Variants in IFT140 observed in about 807,000 individuals in gnomAD.
IFT140 encodes the protein intraflagellar transport protein 140 homolog.
A neutral mutation model predicts 164.6 loss-of-function variants in IFT140; 133 were observed. That is an observed-to-expected ratio of 0.81 (90% CI 0.70 to 0.93). The LOEUF is 0.93. Ranked by LOEUF, IFT140 falls within the 40% of genes least tolerant of loss-of-function variation. The probability of loss-of-function intolerance (pLI) is 0.00; values close to 1 mark genes in which losing one functional copy is unlikely to be tolerated. For missense variants in IFT140, 2,045 were observed against 1,972.3 expected (o/e 1.04, Z -0.70); for synonymous variants, 860 against 817.3 (o/e 1.05, Z -0.89).
chr16:1,511,512 G>A (rs764294967), intron 30 of IFT140, among the ~76,000 whole-genome samples: 4 of 152,200 alleles, frequency 2.6e-5, no homozygotes, highest in Non-Finnish European at 4.4e-5. Context: ...TTCTGCACTC[G>A]AGTCTTGCGG....
intron 20 of IFT140, 67 bp from the exon 21 acceptor site, chr16:1,526,144 ACGCCAGGCCAC>A: frequency 7.1e-7 from 1 of 1,416,812 alleles, no homozygotes; most frequent in African/African-American, 1.4e-5. Flanking sequence ...ACACTGTTCC[ACGCCAGGCCAC>A]CGGTCACCGC....
chr16:1,523,985 C>T (rs1036878008), intron 24 of IFT140, 29 bp from the exon 25 acceptor site: 21 of 1,602,460 alleles, frequency 1.3e-5, no homozygotes, highest in Admixed American at 3.4e-5. Context: ...GGCCCTGAAG[C>T]GGCTCCCACT....
chr16:1,579,045 A>G (rs1327600134), intron 13 of IFT140, among the ~76,000 whole-genome samples: 1 of 152,238 alleles, frequency 6.6e-6, no homozygotes, highest in African/African-American at 2.4e-5. Flanking sequence ...CAAAACGTTA[A>G]CTAGTAACAG....
Position 1,554,526 on chromosome 16 carries a change from C to T in IFT140, c.2399+3409G>A, listed in dbSNP as rs2272975. On this transcript the variant is annotated intron_variant, in intron 19 of 30. Transcript: ENST00000426508. ...GACACATACCACCCCTCCACAGCCG[C>T]CAGAGCCTGAAGTCCTAAGAGCCAC... Among the ~76,000 whole-genome samples the T allele has an allele frequency of 8.1e-4, 124 of 152,314 alleles. 1 individual carries two copies. In the East Asian group the frequency reaches 0.023, roughly 28 times the overall value.
chr16:1,569,017 T>G (rs1344185807), intron 14 of IFT140, among the ~76,000 whole-genome samples: 5 of 150,650 alleles, frequency 3.3e-5, no homozygotes, highest in African/African-American at 1.2e-4. Context: ...TTTTTTTTTT[T>G]TTTTTGAGAC....
chr16:1,552,072 A>G (rs1208150178), intron 19 of IFT140, among the ~76,000 whole-genome samples: 3 of 152,130 alleles, frequency 2.0e-5, no homozygotes, highest in Non-Finnish European at 2.9e-5. Context: ...GGGGGGCACA[A>G]TCCCTTTCCA....
At chr16:1,597,427 G>A (rs1266796035) in intron 4 of IFT140, among the ~76,000 whole-genome samples, 4 of 152,194 alleles carry the variant, frequency 2.6e-5, no homozygotes, top group Non-Finnish European at 5.9e-5. Flanking sequence ...TAACCTGGCC[G>A]TGCTCTCCTG....
At position 1,564,893 on chromosome 16, in the gene IFT140, G is replaced by C. The variant is rs2033627127; in HGVS notation, c.1902-731C>G. On this transcript the variant is annotated intron_variant, in intron 16 of 30. Coordinates refer to ENST00000426508, the MANE Select transcript of IFT140 (RefSeq NM_014714.4). The surrounding 1 kb of genome is among the most constrained non-coding windows in gnomAD (Gnocchi z 5.5). The stretch of plus-strand genomic sequence containing the variant: ...AGCCACTGCACCCAGCAATGGAGGT[G>C]CCCTCACAGCCACGTTCGGCACCAG... Among the ~76,000 whole-genome samples the C allele has an allele frequency of 6.6e-6, 1 of 152,210 alleles. No homozygotes were observed. Among genetic ancestry groups the C allele is most frequent in the South Asian group, 2.1e-4 (1 of 4,826 alleles).
chr16:1,594,474 GC>G (rs1158820962), intron 4 of IFT140, among the ~76,000 whole-genome samples: 1 of 152,160 alleles, frequency 6.6e-6, no homozygotes. Context: ...TCCCACCTCT[GC>G]CTTCCAAAGT....
At chr16:1,552,154 C>A (rs936273336) in intron 19 of IFT140, among the ~76,000 whole-genome samples, 1 of 152,218 alleles carries the variant, frequency 6.6e-6, no homozygotes, top group South Asian at 2.1e-4. Context: ...CTGTAACACC[C>A]GCAAGTAGAA....
intron 4 of IFT140, among the ~76,000 whole-genome samples, chr16:1,601,660 T>G (rs934691406): frequency 2.6e-5 from 4 of 152,132 alleles, no homozygotes; most frequent in African/African-American, 9.7e-5. Flanking sequence ...ATGTAGAAAT[T>G]TCAAATCTCA....
chr16:1,530,985 C>T (rs1400858328), intron 19 of IFT140: 3 of 152,274 alleles, frequency 2.0e-5, no homozygotes, highest in Admixed American at 1.3e-4. Context: ...AGGGCGGTCA[C>T]AGACCCGCCA....
chr16:1,567,016 C>T lies in IFT140; in HGVS notation c.1771-725G>A, dbSNP rs141873994. Among the ~76,000 whole-genome samples, 15 of 152,308 alleles carry T rather than the reference C, an allele frequency of 9.8e-5. No homozygotes were observed. The East Asian group carries it at 2.7e-3, about 27-fold the overall frequency. On this transcript the variant is annotated intron_variant, in intron 15 of 30. Coordinates refer to ENST00000426508, the MANE Select transcript of IFT140 (RefSeq NM_014714.4). ...TTCTGACCAGGTGTGGGACTGCCCA[C>T]TGGCTGCCTCCCAGGCACCTGCCCT...
chr16:1,583,317 C>G lies in IFT140; in HGVS notation c.1429G>C (p.Ala477Pro). 6.2e-7 allele frequency: 1 copy of G among 1,613,974 alleles called. No individual in the cohort carries two copies. Among genetic ancestry groups the G allele is most frequent in the Admixed American group, 1.7e-5 (1 of 60,018 alleles). Reference protein sequence around the residue: ...FELSGAAIRSAGTFLCETPVL... With the variant: ...FELSGAAIRSPGTFLCETPVL... ...TGTCCGGGTGAAAAGAACCCACCTG[C>G]ACTCCGTATCGCGGCTCCAGAAAGC... The change falls in exon 12 of 31, where the codon GCA becomes CCA. Residue 477 changes from alanine to proline, a missense_variant. Coordinates refer to ENST00000426508, the MANE Select transcript of IFT140 (RefSeq NM_014714.4).
chr16:1,525,108 C>G (rs1030884298), intron 22 of IFT140, 123 bp downstream of exon 22: 44 of 1,161,924 alleles, frequency 3.8e-5, no homozygotes, highest in Non-Finnish European at 5.2e-5. Flanking sequence ...CTCTGAGGAG[C>G]CGGGAGGACG....
intron 2 of IFT140, among the ~76,000 whole-genome samples, chr16:1,608,792 T>C (rs924087457): frequency 9.9e-5 from 15 of 152,016 alleles, no homozygotes; most frequent in African/African-American, 3.4e-4. Context: ...CATGGCTCAC[T>C]GTAGCCTTGA....
At chr16:1,542,396 C>G (rs953214040) in intron 19 of IFT140, among the ~76,000 whole-genome samples, 1 of 152,244 alleles carries the variant, frequency 6.6e-6, no homozygotes, top group Non-Finnish European at 1.5e-5. Context: ...CTGACTGGCC[C>G]TTGTGCAGTC....
intron 2 of IFT140, chr16:1,610,113 G>A (rs1355550826): frequency 6.5e-6 from 1 of 154,128 alleles, no homozygotes; most frequent in Non-Finnish European, 1.5e-5. Context: ...AGGGAACTCC[G>A]GGATGGGGCT....
intron 30 of IFT140, among the ~76,000 whole-genome samples, chr16:1,516,492 A>G (rs1038614014): frequency 1.3e-5 from 2 of 151,860 alleles, no homozygotes; most frequent in Non-Finnish European, 2.9e-5. Flanking sequence ...CACTAAGGCC[A>G]GGTGCGGTGG....
Sources: allele counts gnomAD v4.1 joint callset (sites outside exome capture counted in the v4.1 genomes callset), GRCh38; gene constraint gnomAD v4.1.1; non-coding constraint Gnocchi (gnomAD v3.1); transcripts MANE v1.5; gene names NCBI Gene and HGNC (gene_info 2026-07-23, HGNC 2026-07-21).